PIP5K1B: variants seen among roughly 807,000 people sequenced by gnomAD.
PIP5K1B encodes phosphatidylinositol-4-phosphate 5-kinase type 1 beta, also known as phosphatidylinositol 4-phosphate 5-kinase type-1 beta.
In PIP5K1B, 42 loss-of-function variants were observed where a neutral mutation model predicts 67.0. The observed-to-expected ratio is 0.63, with a 90% CI of 0.49 to 0.81. The LOEUF (loss-of-function observed/expected upper bound fraction) is 0.81, where lower values mean the gene tolerates loss of function less well. Ranked by LOEUF, PIP5K1B falls within the 30% of genes least tolerant of loss-of-function variation. The pLI is 0.00. For missense variants in PIP5K1B, 459 were observed against 646.3 expected (o/e 0.71, Z 3.14); for synonymous variants, 214 against 231.4 (o/e 0.92, Z 0.68).
intron 4 of PIP5K1B, among the ~76,000 whole-genome samples, chr9:68,862,484 G>A (rs1029842265): frequency 4.6e-5 from 7 of 152,080 alleles, no homozygotes; most frequent in Admixed American, 1.3e-4. Flanking sequence ...AGAAGTGACA[G>A]GAGAGACTAT....
intron 14 of PIP5K1B, among the ~76,000 whole-genome samples, chr9:68,972,585 G>T (rs1428439097): frequency 1.3e-5 from 2 of 152,146 alleles, no homozygotes; most frequent in African/African-American, 2.4e-5. Context: ...AGGTTGTAGT[G>T]AGCTAAGATC....
intron 8 of PIP5K1B, among the ~76,000 whole-genome samples, chr9:68,898,147 C>A (rs2132426884): frequency 6.6e-6 from 1 of 152,278 alleles, no homozygotes; most frequent in South Asian, 2.1e-4. Flanking sequence ...CCAACTCCTC[C>A]ATGTAGCACA....
Position 68,726,936 on chromosome 9 carries a change from T to C in PIP5K1B, c.-242-15565T>C, listed in dbSNP as rs141067237. Among the ~76,000 whole-genome samples, 1,289 of 152,270 alleles carry C rather than the reference T, an allele frequency of 8.5e-3. 23 individuals are homozygous for C. Among genetic ancestry groups the C allele is most frequent in the African/African-American group, 0.029 (1,222 of 41,552 alleles). On this transcript the variant is annotated intron_variant, in intron 1 of 15. Coordinates refer to ENST00000265382, the MANE Select transcript of PIP5K1B (RefSeq NM_003558.4). ...GTGCCTATTTGCCATTCTTATATGATTTTTGGTAAGGTGCTAAACTCTTGT... is the reference window on the plus strand; with the variant it reads ...GTGCCTATTTGCCATTCTTATATGACTTTTGGTAAGGTGCTAAACTCTTGT...
intron 4 of PIP5K1B, among the ~76,000 whole-genome samples, chr9:68,830,285 C>G (rs1027766930): frequency 6.6e-6 from 1 of 152,172 alleles, no homozygotes; most frequent in African/African-American, 2.4e-5. Context: ...CCCGCCCTGT[C>G]AGATCACCCC....
rs538175902 is a variant in PIP5K1B at position 68,997,580 on chromosome 9, G to A, written c.1620+6323G>A. On this transcript the variant is annotated intron_variant, in intron 15 of 15. Coordinates refer to ENST00000265382, the MANE Select transcript of PIP5K1B (RefSeq NM_003558.4). Reference sequence around the variant, plus strand: ...CCTTCTGCCAGGTGATCACATTGTTGAGAAGTGAAGAGATTTTGGAAAGGA... The same window carrying A: ...CCTTCTGCCAGGTGATCACATTGTTAAGAAGTGAAGAGATTTTGGAAAGGA... 9.2e-5 allele frequency among the ~76,000 whole-genome samples: 14 copies of A among 152,282 alleles called. No homozygotes were observed. The South Asian group carries it at 2.9e-3, about 32-fold the overall frequency.
chr9:68,917,837 C>A, intron 9 of PIP5K1B, 78 bp downstream of exon 9: 1 of 1,054,302 alleles, frequency 9.5e-7, no homozygotes, highest in Non-Finnish European at 1.5e-6. Context: ...CAGTCACATT[C>A]ACCTTAGGGT....
chr9:68,878,020 T>TGC (rs1345925497), intron 6 of PIP5K1B, among the ~76,000 whole-genome samples: 1 of 144,320 alleles, frequency 6.9e-6, no homozygotes, highest in Non-Finnish European at 1.5e-5. Flanking sequence ...GTTCTGTGTG[T>TGC]GTGTGTGTGT....
chr9:68,930,414 A>C (rs1416967254), intron 12 of PIP5K1B, among the ~76,000 whole-genome samples: 6 of 151,582 alleles, frequency 4.0e-5, no homozygotes, highest in Non-Finnish European at 7.4e-5. Context: ...ACCACAATCC[A>C]CCCAATTACC....
chr9:68,990,997 T>G, intron 14 of PIP5K1B, 143 bp from the exon 15 acceptor site: 2 of 639,894 alleles, frequency 3.1e-6, no homozygotes, highest in South Asian at 1.9e-5. Flanking sequence ...TGACCATGTC[T>G]CCAGGCATAA....
At chr9:68,830,513 G>A (rs1834254743) in intron 4 of PIP5K1B, among the ~76,000 whole-genome samples, 2 of 152,208 alleles carry the variant, frequency 1.3e-5, no homozygotes, top group Non-Finnish European at 2.9e-5. Flanking sequence ...TCGCTTTGGA[G>A]GGGGCCTCCA....
At chr9:68,842,177 C>A (rs1224850616) in intron 4 of PIP5K1B, among the ~76,000 whole-genome samples, 1 of 152,208 alleles carries the variant, frequency 6.6e-6, no homozygotes, top group Non-Finnish European at 1.5e-5. Context: ...CTCTTGAGAA[C>A]CCGGCTTTCA....
intron 14 of PIP5K1B, among the ~76,000 whole-genome samples, chr9:68,950,241 C>T (rs921923549): frequency 6.6e-6 from 1 of 152,152 alleles, no homozygotes; most frequent in Non-Finnish European, 1.5e-5. Context: ...CTTTCAGATT[C>T]CTTGGCCTCC....
chr9:68,887,468 G>T (rs909055193), intron 6 of PIP5K1B, among the ~76,000 whole-genome samples: 20 of 152,186 alleles, frequency 1.3e-4, no homozygotes, highest in African/African-American at 4.8e-4. Flanking sequence ...TGAGAGAGAA[G>T]GCTGGGGAGG....
intron 2 of PIP5K1B, among the ~76,000 whole-genome samples, chr9:68,748,835 C>T (rs1260125592): frequency 6.6e-6 from 1 of 152,120 alleles, no homozygotes; most frequent in African/African-American, 2.4e-5. Context: ...TGGTCTCGAA[C>T]TCCCGACCTC....
chr9:68,994,297 CT>C (rs1240815298), intron 15 of PIP5K1B, among the ~76,000 whole-genome samples: 2 of 152,046 alleles, frequency 1.3e-5, no homozygotes, highest in Non-Finnish European at 2.9e-5. Context: ...CCGCCTCGGC[CT>C]CCCAAAGTGC....
intron 15 of PIP5K1B, among the ~76,000 whole-genome samples, chr9:69,004,913 A>G (rs527242901): frequency 1.3e-5 from 2 of 152,334 alleles, no homozygotes; most frequent in African/African-American, 4.8e-5. Context: ...CAGATCCCAC[A>G]GATACCTCTC....
intron 14 of PIP5K1B, among the ~76,000 whole-genome samples, chr9:68,947,631 G>A (rs1438829792): frequency 3.3e-5 from 5 of 152,224 alleles, no homozygotes; most frequent in Non-Finnish European, 4.4e-5. Context: ...TACAAAGGTA[G>A]TGTGAGTGCA....
rs1478559605 is a variant in PIP5K1B, at chr9:68,919,639, G to C, written c.1068-42G>C. On this transcript the variant is annotated intron_variant, in intron 10 of 15. Coordinates refer to ENST00000265382, the MANE Select transcript of PIP5K1B (RefSeq NM_003558.4). ...GGTTCTGAAAAATCACCAAATGAGA[G>C]TGATTTTACATTCTCATTTCAATTT... 2.1e-6 allele frequency: 3 copies of C among 1,414,442 alleles called. No individual in the cohort carries two copies. The African/African-American group carries it at 4.2e-5, about 20-fold the overall frequency. The allele number at this position is 1,414,442 out of a possible 1,614,324, so 87.6% of individuals were successfully genotyped here. A position where few individuals can be genotyped will look rare whatever the true frequency, so the allele number is the denominator to read the frequency against.
In PIP5K1B at chr9:68,770,161, T is replaced by A. The variant is rs532547605; in HGVS notation, c.-86+27504T>A. Among the ~76,000 whole-genome samples, 305 of 152,344 alleles carry A rather than the reference T, an allele frequency of 2.0e-3. 1 individual carries two copies. Among genetic ancestry groups the A allele is most frequent in the Admixed American group, 3.8e-3 (58 of 15,304 alleles). On this transcript the variant is annotated intron_variant, in intron 2 of 15. Transcript: ENST00000265382. ...GTCTTCGCTGGCTTCTGAATGAAAA[T>A]TCAAGAACCTTTCTTTCTGCTCACT...
Sources: allele counts gnomAD v4.1 joint callset (sites outside exome capture counted in the v4.1 genomes callset), GRCh38; gene constraint gnomAD v4.1.1; transcripts MANE v1.5; gene names NCBI Gene and HGNC (gene_info 2026-07-23, HGNC 2026-07-21).